The following CPT1A variants were observed in gnomAD, a reference collection of about 807,000 sequenced individuals.
CPT1A encodes the protein carnitine O-palmitoyltransferase 1, liver isoform.
A neutral mutation model predicts 100.8 loss-of-function variants in CPT1A; 64 were observed. The observed-to-expected ratio is 0.63, with a 90% CI of 0.52 to 0.78. CPT1A has a LOEUF of 0.78. Ranked by LOEUF, CPT1A falls within the 30% of genes least tolerant of loss-of-function variation. CPT1A has a pLI of 0.00. For synonymous variants in CPT1A, 363 were observed against 396.0 expected (o/e 0.92, Z 0.99); for missense variants, 802 against 1,034.1 (o/e 0.78, Z 3.08).
chr11:68,801,201 G>A (rs1855896604), intron 5 of CPT1A, among the ~76,000 whole-genome samples: 1 of 152,154 alleles, frequency 6.6e-6, no homozygotes, highest in African/African-American at 2.4e-5. Context: ...TGCCCTGAAT[G>A]AGCTGAAGTG....
At chr11:68,811,360 G>A (rs763516125) in intron 3 of CPT1A, among the ~76,000 whole-genome samples, 1 of 152,162 alleles carries the variant, frequency 6.6e-6, no homozygotes, top group Non-Finnish European at 1.5e-5. Context: ...CGTCTGGCAC[G>A]GGGCAGCAGG....
chr11:68,826,473 G>A (rs1464238503), intron 1 of CPT1A, among the ~76,000 whole-genome samples: 4 of 150,224 alleles, frequency 2.7e-5, no homozygotes, highest in Non-Finnish European at 5.9e-5. Flanking sequence ...GGTGGCTCAC[G>A]CCTGTAATCC....
intron 8 of CPT1A, among the ~76,000 whole-genome samples, chr11:68,793,614 C>T (rs1419598898): frequency 4.6e-5 from 7 of 151,852 alleles, no homozygotes; most frequent in African/African-American, 1.5e-4. Flanking sequence ...GGCATGGTGT[C>T]GGGTGCCTGT....
Position 68,756,456 on chromosome 11 carries a change from T to C in CPT1A, c.*1188A>G, listed in dbSNP as rs538573155. ...ACACCTAGCACTGTCACTTGAGACA[T>C]CTTGGCTGGTCACCAAGGTGAGCCG... On this transcript the variant is annotated 3_prime_UTR_variant, in exon 19 of 19. Coordinates refer to ENST00000265641, the MANE Select transcript of CPT1A (RefSeq NM_001876.4). 1.3e-5 allele frequency: 2 copies of C among 152,320 alleles called. No homozygotes were observed. The highest frequency in any genetic ancestry group is 4.8e-5 in the African/African-American group (2 of 41,570). 9.4% of individuals were successfully genotyped at this position (152,320 alleles called of 1,614,324 possible).
intron 1 of CPT1A, among the ~76,000 whole-genome samples, chr11:68,833,578 G>A (rs1048384702): frequency 6.6e-6 from 1 of 152,020 alleles, no homozygotes; most frequent in East Asian, 1.9e-4. Flanking sequence ...CCAACATGGT[G>A]AAACCCCATC....
At position 68,797,003 on chromosome 11, in the gene CPT1A, C is replaced by G; in HGVS notation, c.694-70G>C. On this transcript the variant is annotated intron_variant, in intron 6 of 18. Coordinates refer to ENST00000265641, the MANE Select transcript of CPT1A (RefSeq NM_001876.4). ...CCAGGCAGGCTCCCTGGCAGCAGCC[C>G]AGAGCCGCGGGGAAGGGCAGGCAGT... 8 of 1,503,112 alleles carry G rather than the reference C, an allele frequency of 5.3e-6. No homozygotes were observed. In the Middle Eastern group the frequency reaches 5.1e-4, roughly 96 times the overall value. 93.1% of individuals were successfully genotyped at this position (1,503,112 alleles called of 1,614,324 possible). A position where few individuals can be genotyped will look rare whatever the true frequency, so the allele number is the denominator to read the frequency against.
At chr11:68,812,607 G>A (rs1479459089) in intron 2 of CPT1A, 31 bp from the exon 3 acceptor site, 1 of 1,613,254 alleles carries the variant, frequency 6.2e-7, no homozygotes, top group Non-Finnish European at 8.5e-7. Flanking sequence ...CGTGAGCGGT[G>A]TCCTCCCACA....
intron 10 of CPT1A, among the ~76,000 whole-genome samples, chr11:68,783,344 G>T (rs1403184901): frequency 6.6e-6 from 1 of 151,936 alleles, no homozygotes; most frequent in Non-Finnish European, 1.5e-5. Flanking sequence ...AATATGATTG[G>T]GTGCCTGGGA....
At chr11:68,800,151 G>T (rs1855864887) in intron 5 of CPT1A, among the ~76,000 whole-genome samples, 1 of 152,136 alleles carries the variant, frequency 6.6e-6, no homozygotes, top group Non-Finnish European at 1.5e-5. Context: ...AGCAGGATGG[G>T]AACGAGGGGC....
intron 5 of CPT1A, among the ~76,000 whole-genome samples, chr11:68,799,875 CT>C (rs2154000243): frequency 6.6e-6 from 1 of 152,148 alleles, no homozygotes; most frequent in South Asian, 2.1e-4. Context: ...AACAATTAAA[CT>C]TTTTCTTCCT....
intron 12 of CPT1A, among the ~76,000 whole-genome samples, chr11:68,780,345 C>T (rs774264272): frequency 3.3e-5 from 5 of 152,186 alleles, no homozygotes; most frequent in African/African-American, 4.8e-5. Flanking sequence ...TGCAGTGGCA[C>T]GATCTCGGCT....
intron 1 of CPT1A, among the ~76,000 whole-genome samples, chr11:68,831,527 C>T (rs905352770): frequency 1.3e-5 from 2 of 152,124 alleles, no homozygotes; most frequent in South Asian, 4.1e-4. Flanking sequence ...TCAACACAGC[C>T]TTGCAATCAA....
intron 9 of CPT1A, among the ~76,000 whole-genome samples, chr11:68,790,222 C>A (rs1855577245): frequency 6.6e-6 from 1 of 152,042 alleles, no homozygotes. Context: ...AGGTACACAC[C>A]ACTATGTCCG....
intron 18 of CPT1A, among the ~76,000 whole-genome samples, chr11:68,758,616 CTT>C (rs533259989): frequency 2.2e-5 from 3 of 138,182 alleles, no homozygotes; most frequent in African/African-American, 5.3e-5. Context: ...GATACATTTC[CTT>C]TTTTTTTTTT....
Position 68,775,523 on chromosome 11 carries a change from G to C in CPT1A, c.1459-91C>G, listed in dbSNP as rs1318177868. ...TGAAGAGAGGGTTGTTCTTTGCAGA[G>C]ATGTTACAAAGTTTGAATCACAGCT... On this transcript the variant is annotated intron_variant, in intron 12 of 18. Transcript: ENST00000265641. 33 of 1,047,580 alleles carry C rather than the reference G, an allele frequency of 3.2e-5. No individual in the cohort carries two copies. The East Asian group carries it at 7.4e-4, about 23-fold the overall frequency. The allele number at this position is 1,047,580 out of a possible 1,614,324, so 64.9% of individuals were successfully genotyped here.
intron 1 of CPT1A, among the ~76,000 whole-genome samples, chr11:68,821,827 C>G (rs1856592942): frequency 6.6e-6 from 1 of 152,082 alleles, no homozygotes; most frequent in African/African-American, 2.4e-5. Context: ...AGGCACCCAC[C>G]AGGGGTCTTG....
At chr11:68,843,242 G>C (rs1420086798), upstream of CPT1A, among the ~76,000 whole-genome samples, 1 of 152,074 alleles carries the variant, frequency 6.6e-6, no homozygotes, top group African/African-American at 2.4e-5. The surrounding 1 kb of genome is among the most constrained non-coding windows in gnomAD (Gnocchi z 4.0). Flanking sequence ...TTACGTCGTA[G>C]ACAGGTCTCT....
intron 13 of CPT1A, 31 bp downstream of exon 13, chr11:68,775,280 CAGGTA>C: frequency 6.6e-7 from 1 of 1,505,310 alleles, no homozygotes; most frequent in Non-Finnish European, 9.3e-7. Flanking sequence ...TTTCCCATCC[CAGGTA>C]AGTAACAATG....
chr11:68,807,578 C>A lies in CPT1A; in HGVS notation c.342G>T (p.Leu114=), dbSNP rs749278880. ...GCATGGTGACGATGAGGGCCACCCA[C>A]AGGCCGGTGCCAAACAGCACGCCGC... is the stretch of plus-strand genomic sequence containing the variant. ...VVSGVLFGTG[L]WVALIVTMRY... is the part of the protein sequence containing the mutation. The change falls in exon 4 of 19, where the codon CTG becomes CTT. Residue 114 remains leucine, a synonymous_variant. Coordinates refer to ENST00000265641, the MANE Select transcript of CPT1A (RefSeq NM_001876.4). The A allele has an allele frequency of 6.2e-7, 1 of 1,614,214 alleles. No homozygotes were observed. Among genetic ancestry groups the A allele is most frequent in the Non-Finnish European group, 8.5e-7 (1 of 1,180,042 alleles).
Sources: allele counts gnomAD v4.1 joint callset (sites outside exome capture counted in the v4.1 genomes callset), GRCh38; gene constraint gnomAD v4.1.1; non-coding constraint Gnocchi (gnomAD v3.1); transcripts MANE v1.5; gene names NCBI Gene and HGNC (gene_info 2026-07-23, HGNC 2026-07-21).